ZDHHC18: variants seen among roughly 807,000 people sequenced by gnomAD.
ZDHHC18 encodes the protein palmitoyltransferase ZDHHC18.
Under a neutral mutation model 37.5 loss-of-function variants are expected in ZDHHC18, and 23 were observed. The ratio of observed to expected loss-of-function variants is 0.61; its 90% CI spans 0.44 to 0.87. The LOEUF is 0.87. ZDHHC18 is among the 40% of genes least tolerant of loss of function. The pLI is 0.00. For missense variants in ZDHHC18, 406 were observed against 525.6 expected (o/e 0.77, Z 2.22); for synonymous variants, 185 against 218.7 (o/e 0.85, Z 1.36).
Position 26,826,719 on chromosome 1 carries a change from GCCGCTGCCACCT to G in ZDHHC18, c.-78_-67del. ...TGAGCGAGCGAGCGCCGCGCGCGCC[GCCGCTGCCACCT>G]CCGCTGCTCGGCCCGGTCCCGGAGT... On this transcript the variant is annotated 5_prime_UTR_variant, in exon 1 of 8. Transcript: ENST00000374142. The surrounding 1 kb of genome is among the most constrained non-coding windows in gnomAD (Gnocchi z 5.2). 1 of 652,734 alleles carries G rather than the reference GCCGCTGCCACCT, an allele frequency of 1.5e-6. No homozygotes were observed. The highest frequency in any genetic ancestry group is 1.9e-6 in the Non-Finnish European group (1 of 528,272). 40.4% of individuals were successfully genotyped at this position (652,734 alleles called of 1,614,324 possible).
chr1:26,850,342 G>A lies in ZDHHC18; in HGVS notation c.688G>A (p.Gly230Arg), dbSNP rs1159143502. The A allele has an allele frequency of 1.2e-6, 2 of 1,614,254 alleles. No homozygotes were observed. Among genetic ancestry groups the A allele is most frequent in the Non-Finnish European group, 1.7e-6 (2 of 1,180,046 alleles). ...CTGCCCCTGGGTGGGCAACTGTGTG[G>A]GGAGACGGAACTATCGCTTCTTCTA... ...HHCPWVGNCV[G>R]RRNYRFFYAF... Residue 230 changes from glycine (G) to arginine (R), a missense_variant, in exon 4 of 8, where the codon GGG (glycine) becomes AGG (arginine). Coordinates refer to ENST00000374142, the MANE Select transcript of ZDHHC18 (RefSeq NM_032283.3). The surrounding 1 kb of genome is among the most constrained non-coding windows in gnomAD (Gnocchi z 6.1).
Position 26,826,906 on chromosome 1 carries a change from C to T in ZDHHC18, c.102C>T (p.Gly34=), listed in dbSNP as rs2081559569. ...GCCCCGCCGCGTCCCCGACTCCGGG[C>T]CCCGGGCCCGCGCCGCCCGCCGCCC... ...RPGPAASPTP[G]PGPAPPAAPA... is the part of the protein sequence containing the mutation. The change falls in exon 1 of 8, where the codon GGC becomes GGT. Residue 34 remains glycine (G), a synonymous_variant. Transcript: ENST00000374142. The surrounding 1 kb of genome is among the most constrained non-coding windows in gnomAD (Gnocchi z 5.2). 1.0e-6 allele frequency: 1 copy of T among 987,100 alleles called. No individual in the cohort carries two copies. The highest frequency in any genetic ancestry group is 1.2e-6 in the Non-Finnish European group (1 of 832,660). The allele number at this position is 987,100 out of a possible 1,614,324, so 61.1% of individuals were successfully genotyped here.
At chr1:26,845,118 T>G (rs2081657160) in intron 2 of ZDHHC18, among the ~76,000 whole-genome samples, 1 of 151,682 alleles carries the variant, frequency 6.6e-6, no homozygotes, top group African/African-American at 2.4e-5. Flanking sequence ...ATAGACGAGG[T>G]TTCACCAGTT....
intron 2 of ZDHHC18, among the ~76,000 whole-genome samples, chr1:26,844,377 A>G (rs995125156): frequency 2.6e-5 from 4 of 152,176 alleles, no homozygotes; most frequent in Admixed American, 6.5e-5. Flanking sequence ...TATTGTGTGT[A>G]GTTGACGATG....
In ZDHHC18 at chr1:26,848,588, TTCTC is replaced by T. The variant is rs1317925537; in HGVS notation, c.497-17_497-14del. On this transcript the variant is annotated splice_polypyrimidine_tract_variant and intron_variant, in intron 2 of 7. Coordinates refer to ENST00000374142, the MANE Select transcript of ZDHHC18 (RefSeq NM_032283.3). ...GGGCTGCCTTGGGCATTCCCCATCT[TTCTC>T]TCCTCCTTCCCTCAGACAACACAGG... 1 of 1,601,460 alleles carries T rather than the reference TTCTC, an allele frequency of 6.2e-7. No homozygotes were observed. The highest frequency in any genetic ancestry group is 8.6e-7 in the Non-Finnish European group (1 of 1,169,394).
At chr1:26,834,592 G>A (rs2081602961) in intron 2 of ZDHHC18, among the ~76,000 whole-genome samples, 3 of 152,266 alleles carry the variant, frequency 2.0e-5, no homozygotes, top group South Asian at 2.1e-4. Flanking sequence ...GTGCTGCAAC[G>A]GTGGTCATTA....
In ZDHHC18 at chr1:26,850,211, G is replaced by A; in HGVS notation, c.647-90G>A. 6.6e-7 allele frequency: 1 copy of A among 1,513,746 alleles called. No homozygotes were observed. The highest frequency in any genetic ancestry group is 1.4e-5 in the African/African-American group (1 of 72,522). 93.8% of individuals were successfully genotyped at this position (1,513,746 alleles called of 1,614,324 possible). A position where few individuals can be genotyped will look rare whatever the true frequency, so the allele number is the denominator to read the frequency against. On this transcript the variant is annotated intron_variant, in intron 3 of 7. Coordinates refer to ENST00000374142, the MANE Select transcript of ZDHHC18 (RefSeq NM_032283.3). This position sits in a 1 kb window ranked among gnomAD's most constrained non-coding sequence, Gnocchi z 6.1. ...TGGTGCTGCGAGAGTGAACGGGGTA[G>A]GAAAGCCCCAGCCATGGGTGAGGCC...
chr1:26,847,956 T>C (rs574054078), intron 2 of ZDHHC18, among the ~76,000 whole-genome samples: 3 of 152,202 alleles, frequency 2.0e-5, no homozygotes, highest in Non-Finnish European at 4.4e-5. Flanking sequence ...TTACTCACTT[T>C]GTTCCTCCAT....
chr1:26,847,119 TCTC>T lies in ZDHHC18; in HGVS notation c.497-1486_497-1484del, dbSNP rs2081673754. ...ACCGTGTTGGTCAGGATGGTCTCGA[TCTC>T]CTGACCTCATGATCCGCCCGCCTCG... On this transcript the variant is annotated intron_variant, in intron 2 of 7. Coordinates refer to ENST00000374142, the MANE Select transcript of ZDHHC18 (RefSeq NM_032283.3). Among the ~76,000 whole-genome samples the T allele has an allele frequency of 2.0e-5, 3 of 151,800 alleles. No individual in the cohort carries two copies. In the South Asian group the frequency reaches 6.2e-4, roughly 32 times the overall value.
intron 1 of ZDHHC18, among the ~76,000 whole-genome samples, chr1:26,829,356 A>G (rs1205735962): frequency 6.6e-6 from 1 of 151,980 alleles, no homozygotes; most frequent in African/African-American, 2.4e-5. Flanking sequence ...TCAGGCCTGA[A>G]TCCTCCCTGG....
At position 26,850,733 on chromosome 1, in the gene ZDHHC18, A is replaced by T. The variant is rs2081698904; in HGVS notation, c.833+127A>T. The T allele has an allele frequency of 8.8e-7, 1 of 1,130,474 alleles. No homozygotes were observed. Among genetic ancestry groups the T allele is most frequent in the Non-Finnish European group, 1.3e-6 (1 of 779,258 alleles). 70.0% of individuals were successfully genotyped at this position (1,130,474 alleles called of 1,614,324 possible). A position where few individuals can be genotyped will look rare whatever the true frequency, so the allele number is the denominator to read the frequency against. ...TCACATGTGTCCTCCAGAATCCAACATGCCAGCTCTTCTGTTCACACCCAG... is the reference window on the plus strand; with the variant it reads ...TCACATGTGTCCTCCAGAATCCAACTTGCCAGCTCTTCTGTTCACACCCAG... On this transcript the variant is annotated intron_variant, in intron 5 of 7. Coordinates refer to ENST00000374142, the MANE Select transcript of ZDHHC18 (RefSeq NM_032283.3). This position sits in a 1 kb window ranked among gnomAD's most constrained non-coding sequence, Gnocchi z 6.1.
chr1:26,838,742 C>T (rs901532368), intron 2 of ZDHHC18, among the ~76,000 whole-genome samples: 2 of 152,232 alleles, frequency 1.3e-5, no homozygotes, highest in African/African-American at 4.8e-5. Flanking sequence ...CACACAGAGG[C>T]ACTGCCTTGT....
At chr1:26,851,981 C>T (rs913874903) in intron 6 of ZDHHC18, among the ~76,000 whole-genome samples, 2 of 152,226 alleles carry the variant, frequency 1.3e-5, no homozygotes, top group African/African-American at 4.8e-5. Flanking sequence ...CAGGGCCCAC[C>T]ATCTGATACT....
At chr1:26,828,579 G>A (rs543895074) in intron 1 of ZDHHC18, among the ~76,000 whole-genome samples, 8 of 151,922 alleles carry the variant, frequency 5.3e-5, no homozygotes, top group Admixed American at 1.3e-4. Context: ...AGAGACACCC[G>A]CCCCCAGGTA....
At position 26,855,172 on chromosome 1, in the gene ZDHHC18, T is replaced by C. The variant is rs2081727611; in HGVS notation, c.*1329T>C. The stretch of plus-strand genomic sequence containing the variant: ...AGCCTGGGCGTGGTGGGTGGGGTGA[T>C]GGCTCTGGGGAGCGGCTGCCATCCT... On this transcript the variant is annotated 3_prime_UTR_variant, in exon 8 of 8. Coordinates refer to ENST00000374142, the MANE Select transcript of ZDHHC18 (RefSeq NM_032283.3). 1 of 152,286 alleles carries C rather than the reference T, an allele frequency of 6.6e-6. No homozygotes were observed. The highest frequency in any genetic ancestry group is 2.1e-4 in the South Asian group (1 of 4,834). 9.4% of individuals were successfully genotyped at this position (152,286 alleles called of 1,614,324 possible). A position where few individuals can be genotyped will look rare whatever the true frequency, so the allele number is the denominator to read the frequency against.
chr1:26,845,228 T>A (rs1351297231), intron 2 of ZDHHC18, among the ~76,000 whole-genome samples: 1 of 151,396 alleles, frequency 6.6e-6, no homozygotes, highest in African/African-American at 2.4e-5. Flanking sequence ...CCCAGCCCTT[T>A]ACATATTCTT....
In ZDHHC18 at chr1:26,853,695, G is replaced by A. The variant is rs770816536; in HGVS notation, c.1050-31G>A. On this transcript the variant is annotated intron_variant, in intron 7 of 7. Transcript: ENST00000374142. The stretch of plus-strand genomic sequence containing the variant: ...GCCTAGAGCCTCAGTGTTGGGCAGA[G>A]CCCTCATGTGTCTCCCTTGTGTTTT... The A allele has an allele frequency of 5.0e-6, 8 of 1,602,370 alleles. No homozygotes were observed. In the South Asian group the frequency reaches 8.8e-5, roughly 18 times the overall value.
At chr1:26,827,559 C>A (rs2081564395) in intron 1 of ZDHHC18, among the ~76,000 whole-genome samples, 2 of 152,082 alleles carry the variant, frequency 1.3e-5, no homozygotes, top group African/African-American at 4.8e-5. Context: ...TCTTGCCAAC[C>A]CCCCAAGTTC....
At chr1:26,835,090 G>A (rs867808225) in intron 2 of ZDHHC18, among the ~76,000 whole-genome samples, 5 of 152,210 alleles carry the variant, frequency 3.3e-5, no homozygotes, top group Non-Finnish European at 7.3e-5. Context: ...GGAGCTGTGC[G>A]GAGGCAGCCC....
Sources: gnomAD v4.1 joint callset for allele counts (sites outside exome capture counted in the v4.1 genomes callset) on GRCh38, gnomAD v4.1.1 for gene constraint, Gnocchi (gnomAD v3.1) non-coding constraint, MANE v1.5 for transcripts, NCBI Gene and HGNC (gene_info 2026-07-23, HGNC 2026-07-21) for gene names.